ABCA10: variants seen among roughly 807,000 people sequenced by gnomAD.
The protein encoded by ABCA10 is ATP-binding cassette sub-family A member 10.
In ABCA10, 169 loss-of-function variants were observed where a neutral mutation model predicts 187.5. That is an observed-to-expected ratio of 0.90 (90% CI 0.80 to 1.02). The LOEUF (loss-of-function observed/expected upper bound fraction) is 1.02. ABCA10 is among the 50% of genes least tolerant of loss of function. The pLI, the probability that ABCA10 is intolerant of heterozygous loss-of-function variation, is 0.00. For missense variants in ABCA10, 1,727 were observed against 1,812.4 expected (o/e 0.95, Z 0.86); for synonymous variants, 574 against 601.8 (o/e 0.95, Z 0.68).
intron 4 of ABCA10, among the ~76,000 whole-genome samples, 175 bp from the exon 5 acceptor site, chr17:69,222,070 T>C (rs1041115421): frequency 3.9e-5 from 6 of 152,092 alleles, no homozygotes; most frequent in East Asian, 3.9e-4. Context: ...AAAGAACATA[T>C]GATGGCAGGG....
chr17:69,206,087 A>C (rs923407024), intron 9 of ABCA10, among the ~76,000 whole-genome samples: 1 of 152,210 alleles, frequency 6.6e-6, no homozygotes, highest in African/African-American at 2.4e-5. Context: ...GAATTTGAGC[A>C]TACAATGTCT....
chr17:69,215,069 G>C (rs746816954), intron 8 of ABCA10, among the ~76,000 whole-genome samples: 3 of 152,016 alleles, frequency 2.0e-5, no homozygotes, highest in Non-Finnish European at 4.4e-5. Flanking sequence ...AAACAAAAAA[G>C]AGAAATTAAC....
At chr17:69,212,503 T>C (rs2108738) in intron 9 of ABCA10, among the ~76,000 whole-genome samples, 108,069 of 152,084 alleles carry the variant, frequency 0.71, 38,661 homozygotes, top group Middle Eastern at 0.76. Context: ...TTTAAGACCA[T>C]TGTTTCTTTG....
chr17:69,170,502 C>A (rs1256870837), intron 25 of ABCA10, among the ~76,000 whole-genome samples: 1 of 147,414 alleles, frequency 6.8e-6, no homozygotes, highest in African/African-American at 2.5e-5. Context: ...ATGATAGCAA[C>A]AACAATGCCT....
intron 9 of ABCA10, among the ~76,000 whole-genome samples, chr17:69,205,958 C>T (rs977682760): frequency 6.6e-6 from 1 of 152,132 alleles, no homozygotes; most frequent in South Asian, 2.1e-4. Flanking sequence ...ATTCTAATCA[C>T]AACAGAAGAT....
At position 69,196,283 on chromosome 17, in the gene ABCA10, CACTTCTCAG is replaced by C. The variant is rs777114863; in HGVS notation, c.1234+772_1234+780del. The C allele has an allele frequency of 6.9e-3, 1,174 of 171,278 alleles. 9 individuals are homozygous for C. The highest frequency in any genetic ancestry group is 0.014 in the Middle Eastern group (5 of 370). 10.6% of individuals were successfully genotyped at this position (171,278 alleles called of 1,614,324 possible). A position where few individuals can be genotyped will look rare whatever the true frequency, so the allele number is the denominator to read the frequency against. ...GTGGCTGCCGGGCAGAGGGGCTCCT[CACTTCTCAG>C]ACGGGGCGGCCGGGCAGAGACGCTC... On this transcript the variant is annotated intron_variant, in intron 11 of 38. Coordinates refer to ENST00000690296, the MANE Select transcript of ABCA10 (RefSeq NM_001377321.1).
rs1329235307 is a variant in ABCA10 at position 69,214,862 on chromosome 17, A to G, written c.859-11T>C. ...ATCCAGGTGTGTAATCTGAGATTTA[A>G]AAGAAAAAATAAAATGTTAGATGAA... On this transcript the variant is annotated splice_polypyrimidine_tract_variant and intron_variant, in intron 8 of 38. Coordinates refer to ENST00000690296, the MANE Select transcript of ABCA10 (RefSeq NM_001377321.1). The G allele has an allele frequency of 6.8e-7, 1 of 1,467,786 alleles. No individual in the cohort carries two copies. Among genetic ancestry groups the G allele is most frequent in the Admixed American group, 2.7e-5 (1 of 36,436 alleles). The allele number at this position is 1,467,786 out of a possible 1,614,324, so 90.9% of individuals were successfully genotyped here.
In ABCA10 at chr17:69,222,272, C is replaced by T. The variant is rs537949346; in HGVS notation, c.199+261G>A. On this transcript the variant is annotated intron_variant, in intron 4 of 38. Coordinates refer to ENST00000690296, the MANE Select transcript of ABCA10 (RefSeq NM_001377321.1). Reference sequence around the variant, plus strand: ...AGAATCACTGGATCTCGGGAGGCAGCGGTTCCAGTGAGCCAAGATCGCGCC... The same window carrying T: ...AGAATCACTGGATCTCGGGAGGCAGTGGTTCCAGTGAGCCAAGATCGCGCC... 2.4e-3 allele frequency among the ~76,000 whole-genome samples: 359 copies of T among 150,318 alleles called. 1 individual carries two copies. The highest frequency in any genetic ancestry group is 8.5e-3 in the African/African-American group (345 of 40,806).
Position 69,187,735 on chromosome 17 carries a change from A to G in ABCA10, c.2276T>C (p.Val759Ala), listed in dbSNP as rs1568061057. The G allele has an allele frequency of 2.5e-6, 4 of 1,613,892 alleles. No individual in the cohort carries two copies. The highest frequency in any genetic ancestry group is 3.4e-6 in the Non-Finnish European group (4 of 1,179,780). ...AALWRRQIYA[V>A]ATLRFLKLRR... Reference sequence around the variant, plus strand: ...TAACTTTAAGAAGCGAAGTGTTGCCACTGCATAGATTTGTCGTCTCCAGAG... The same window carrying G: ...TAACTTTAAGAAGCGAAGTGTTGCCGCTGCATAGATTTGTCGTCTCCAGAG... Residue 759 changes from valine (V) to alanine (A), a missense_variant, in exon 19 of 39, where the codon GTG becomes GCG. Val to Ala is a moderately conservative substitution (Grantham distance 64). Coordinates refer to ENST00000690296, the MANE Select transcript of ABCA10 (RefSeq NM_001377321.1).
chr17:69,197,383 GA>G (rs377170265), intron 10 of ABCA10, among the ~76,000 whole-genome samples: 79 of 142,008 alleles, frequency 5.6e-4, no homozygotes, highest in African/African-American at 1.7e-3. Flanking sequence ...AGCTAAAATT[GA>G]AAAAAAAAAG....
At chr17:69,222,022 T>C (rs549825204) in intron 4 of ABCA10, 127 bp from the exon 5 acceptor site, 29 of 698,000 alleles carry the variant, frequency 4.2e-5, no homozygotes, top group East Asian at 2.0e-4. Context: ...TTATATGATA[T>C]AGAGGATTTT....
chr17:69,222,260 C>A (rs549045747), intron 4 of ABCA10, among the ~76,000 whole-genome samples: 39 of 151,548 alleles, frequency 2.6e-4, no homozygotes, highest in African/African-American at 8.5e-4. Context: ...ATCACTGGAT[C>A]TCGGGAGGCA....
chr17:69,167,403 CT>C (rs1189262616), intron 25 of ABCA10, among the ~76,000 whole-genome samples: 1 of 152,152 alleles, frequency 6.6e-6, no homozygotes, highest in East Asian at 1.9e-4. Context: ...ATAGAAAGAG[CT>C]GTGAAAGCCA....
At chr17:69,232,490 A>T (rs902965548), upstream of ABCA10, among the ~76,000 whole-genome samples, 2 of 152,120 alleles carry the variant, frequency 1.3e-5, no homozygotes, top group East Asian at 3.8e-4. Flanking sequence ...AAGGAAAAAT[A>T]AAAAAACTGT....
At chr17:69,206,367 C>A (rs946401161) in intron 9 of ABCA10, among the ~76,000 whole-genome samples, 2 of 152,108 alleles carry the variant, frequency 1.3e-5, no homozygotes, top group Admixed American at 1.3e-4. Context: ...CACTTGTTCC[C>A]CAGCAGAAAC....
intron 1 of ABCA10, among the ~76,000 whole-genome samples, chr17:69,243,942 T>C (rs572839822): frequency 1.7e-4 from 26 of 152,290 alleles, no homozygotes; most frequent in Non-Finnish European, 3.1e-4. Flanking sequence ...TCTTGAGAAC[T>C]TGATTTTTTA....
At chr17:69,173,924 G>A (rs1250242799) in intron 25 of ABCA10, among the ~76,000 whole-genome samples, 1 of 151,972 alleles carries the variant, frequency 6.6e-6, no homozygotes, top group Admixed American at 6.6e-5. Flanking sequence ...TGAGTTGAGA[G>A]GCCTGCGTTT....
chr17:69,239,341 T>C (rs775701654), intron 1 of ABCA10, among the ~76,000 whole-genome samples: 22 of 152,214 alleles, frequency 1.4e-4, no homozygotes, highest in Non-Finnish European at 2.6e-4. Flanking sequence ...CCCAGGTCGT[T>C]GGAGAAAGAA....
chr17:69,241,959 T>C (rs1429368576), intron 1 of ABCA10, among the ~76,000 whole-genome samples: 1 of 152,204 alleles, frequency 6.6e-6, no homozygotes, highest in Non-Finnish European at 1.5e-5. Context: ...CTAAAAACTA[T>C]CTAGTGTCTT....
Sources: allele counts gnomAD v4.1 joint callset (sites outside exome capture counted in the v4.1 genomes callset), GRCh38; gene constraint gnomAD v4.1.1; transcripts MANE v1.5; gene names NCBI Gene and HGNC (gene_info 2026-07-23, HGNC 2026-07-21).